The following ZZZ3 variants were observed in gnomAD, a reference collection of about 807,000 sequenced individuals.
The protein encoded by ZZZ3 is ZZ-type zinc finger-containing protein 3.
A neutral mutation model predicts 95.2 loss-of-function variants in ZZZ3; 22 were observed. The ratio of observed to expected loss-of-function variants is 0.23; its 90% CI spans 0.17 to 0.33. The LOEUF (loss-of-function observed/expected upper bound fraction) is 0.33, where lower values mean the gene tolerates loss of function less well. Ranked by LOEUF, ZZZ3 falls within the 10% of genes least tolerant of loss-of-function variation. ZZZ3 has a pLI of 1.00. For missense variants in ZZZ3, 885 were observed against 1,066.5 expected, an observed-to-expected ratio of 0.83 and a Z score of 2.37; for synonymous variants, 335 against 358.9, an observed-to-expected ratio of 0.93 and a Z score of 0.75.
chr1:77,677,692 A>G (rs981513540), intron 1 of ZZZ3, among the ~76,000 whole-genome samples: 10 of 152,246 alleles, frequency 6.6e-5, no homozygotes, highest in Non-Finnish European at 1.3e-4. Context: ...GGGGAATAAC[A>G]TATGTTCACT....
At chr1:77,582,195 A>C in intron 6 of ZZZ3, 69 bp from the exon 7 acceptor site, 1 of 1,459,382 alleles carries the variant, frequency 6.9e-7, no homozygotes, top group Non-Finnish European at 9.2e-7. Context: ...AATCCACCAC[A>C]GTCAAATTTT....
chr1:77,570,828 A>ATTTTTT (rs1234908458), intron 12 of ZZZ3, among the ~76,000 whole-genome samples: 2 of 123,758 alleles, frequency 1.6e-5, no homozygotes, highest in Admixed American at 8.2e-5. Flanking sequence ...AGCCTGGCTA[A>ATTTTTT]TTTTTTTTTT....
At position 77,584,571 on chromosome 1, in the gene ZZZ3, G is replaced by A. The variant is rs763595296; in HGVS notation, c.1590C>T (p.His530=). The change falls in exon 6 of 15, where the codon CAC becomes CAT. Residue 530 remains histidine (H), a synonymous_variant. Coordinates refer to ENST00000370801, the MANE Select transcript of ZZZ3 (RefSeq NM_015534.6). ...AVQDLESLGR[H]QREALKNPIG... is the part of the protein sequence containing the mutation. ...TGGGATTTTTCAGTGCTTCTCTCTGGTGCCTGCCTAAACTTTCAAGGTCTT... is the reference window on the plus strand; with the variant it reads ...TGGGATTTTTCAGTGCTTCTCTCTGATGCCTGCCTAAACTTTCAAGGTCTT... 6.2e-7 allele frequency: 1 copy of A among 1,613,124 alleles called. No individual in the cohort carries two copies. The highest frequency in any genetic ancestry group is 8.5e-7 in the Non-Finnish European group (1 of 1,179,674).
chr1:77,591,635 C>T (rs1273641078), intron 5 of ZZZ3, among the ~76,000 whole-genome samples: 3 of 152,160 alleles, frequency 2.0e-5, no homozygotes, highest in Non-Finnish European at 4.4e-5. Flanking sequence ...ATAAGCCAGG[C>T]CCACTCACTT....
At chr1:77,659,233 C>A (rs539754689) in intron 1 of ZZZ3, among the ~76,000 whole-genome samples, 6 of 152,136 alleles carry the variant, frequency 3.9e-5, no homozygotes, top group African/African-American at 1.2e-4. Flanking sequence ...ACTTAATAGG[C>A]TTTACTAATT....
chr1:77,647,964 C>T (rs1202000565), intron 1 of ZZZ3, among the ~76,000 whole-genome samples: 1 of 152,132 alleles, frequency 6.6e-6, no homozygotes, highest in Non-Finnish European at 1.5e-5. Context: ...TTCCAGTGAA[C>T]TCCACTGTGT....
intron 5 of ZZZ3, among the ~76,000 whole-genome samples, chr1:77,615,221 T>C (rs925001207): frequency 1.3e-5 from 2 of 152,332 alleles, no homozygotes; most frequent in African/African-American, 4.8e-5. Context: ...TTTCAACAGA[T>C]GCAGAATTAC....
chr1:77,609,590 C>G (rs1665582290), intron 5 of ZZZ3, among the ~76,000 whole-genome samples: 1 of 152,080 alleles, frequency 6.6e-6, no homozygotes, highest in African/African-American at 2.4e-5. Context: ...GAATACACAT[C>G]CTTTTCCTCA....
intron 1 of ZZZ3, among the ~76,000 whole-genome samples, chr1:77,670,213 T>C (rs1342839920): frequency 6.6e-6 from 1 of 152,018 alleles, no homozygotes; most frequent in Non-Finnish European, 1.5e-5. Flanking sequence ...ATTGCATTGT[T>C]GTCCTCTTTA....
chr1:77,661,668 T>C (rs1321648321), intron 1 of ZZZ3, among the ~76,000 whole-genome samples: 1 of 152,154 alleles, frequency 6.6e-6, no homozygotes, highest in Non-Finnish European at 1.5e-5. Flanking sequence ...CACACCAATC[T>C]TGAATAATTA....
At chr1:77,574,463 T>C (rs1258369705) in intron 12 of ZZZ3, among the ~76,000 whole-genome samples, 1 of 152,068 alleles carries the variant, frequency 6.6e-6, no homozygotes, top group African/African-American at 2.4e-5. Flanking sequence ...CATCCTTAAA[T>C]AAAATAAAAA....
intron 4 of ZZZ3, among the ~76,000 whole-genome samples, chr1:77,638,745 A>C (rs1668512603): frequency 6.6e-6 from 1 of 152,202 alleles, no homozygotes; most frequent in South Asian, 2.1e-4. Context: ...AAGTAAAAGG[A>C]AAAAAGAGCA....
chr1:77,608,758 T>C (rs1471956429), intron 5 of ZZZ3, among the ~76,000 whole-genome samples: 2 of 152,166 alleles, frequency 1.3e-5, no homozygotes, highest in East Asian at 3.8e-4. Context: ...GGTTAAAGTG[T>C]AGAGTTTTTT....
At chr1:77,615,969 T>C (rs1471654014) in intron 5 of ZZZ3, among the ~76,000 whole-genome samples, 1 of 152,206 alleles carries the variant, frequency 6.6e-6, no homozygotes, top group Non-Finnish European at 1.5e-5. Flanking sequence ...TTTTTCTTTT[T>C]AATCACAATT....
chr1:77,589,165 C>G, intron 5 of ZZZ3, among the ~76,000 whole-genome samples: 1 of 152,186 alleles, frequency 6.6e-6, no homozygotes, highest in Non-Finnish European at 1.5e-5. Context: ...GCGTGAGCCC[C>G]CACACCCAAC....
At chr1:77,641,290 AT>A (rs1438932916) in intron 3 of ZZZ3, 93 bp downstream of exon 3, 1 of 334,946 alleles carries the variant, frequency 3.0e-6, no homozygotes, top group Non-Finnish European at 5.4e-6. Context: ...TAACTACTCT[AT>A]TTGAATAGAG....
At chr1:77,683,034 G>A (rs942815220), upstream of ZZZ3, among the ~76,000 whole-genome samples, 1 of 56,902 alleles carries the variant, frequency 1.8e-5, no homozygotes, top group Non-Finnish European at 3.9e-5. Context: ...AGCCCTCCCC[G>A]CCCCCCCTTT....
chr1:77,645,003 A>C (rs1669127253), intron 1 of ZZZ3, among the ~76,000 whole-genome samples: 1 of 152,082 alleles, frequency 6.6e-6, no homozygotes, highest in Non-Finnish European at 1.5e-5. Flanking sequence ...CAGAAGGATC[A>C]CTTTGAGGCC....
intron 11 of ZZZ3, among the ~76,000 whole-genome samples, chr1:77,577,392 A>C (rs1275040162): frequency 2.0e-5 from 3 of 152,254 alleles, no homozygotes; most frequent in Non-Finnish European, 2.9e-5. Context: ...GGTTAATGTA[A>C]GGTTCCAATA....
Sources: gnomAD v4.1 joint callset for allele counts (sites outside exome capture counted in the v4.1 genomes callset) on GRCh38, gnomAD v4.1.1 for gene constraint, MANE v1.5 for transcripts, NCBI Gene and HGNC (gene_info 2026-07-23, HGNC 2026-07-21) for gene names.